The following SLC36A1 variants were observed in gnomAD, a reference collection of about 807,000 sequenced individuals.
SLC36A1 encodes the protein solute carrier family 36 member 1, also known as proton-coupled amino acid transporter 1.
In SLC36A1, 30 loss-of-function variants were observed where a neutral mutation model predicts 47.5. That is an observed-to-expected ratio of 0.63 (90% CI 0.47 to 0.86). SLC36A1 has a LOEUF of 0.86. Among genes scored for constraint, SLC36A1 ranks in the 40% least tolerant of loss-of-function variants. The probability of loss-of-function intolerance (pLI) is 0.00; values close to 1 mark genes in which losing one functional copy is unlikely to be tolerated. For synonymous variants in SLC36A1, 255 were observed against 249.7 expected (o/e 1.02, Z -0.20); for missense variants, 517 against 606.0 (o/e 0.85, Z 1.54).
intron 1 of SLC36A1, among the ~76,000 whole-genome samples, chr5:151,458,304 G>GTATATATATATATATATATATA (rs1754919443): frequency 1.3e-5 from 1 of 76,590 alleles, no homozygotes; most frequent in Admixed American, 1.0e-4. Flanking sequence ...ACATACACGT[G>GTATATATATATATATATATATA]TATATACGTA....
the SLC36A1 span, chr5:151,517,497 C>T: frequency 2.5e-6 from 3 of 1,219,242 alleles, no homozygotes; most frequent in African/African-American, 3.0e-5. Context: ...CACCCAGAAT[C>T]CCTGAAAACT....
chr5:151,529,154 A>G, the SLC36A1 span: 2 of 1,609,188 alleles, frequency 1.2e-6, no homozygotes, highest in Non-Finnish European at 1.7e-6. Context: ...TTGTCCCACA[A>G]AGAGCAAGGT....
chr5:151,531,652 TCTG>T, the SLC36A1 span: 2 of 1,613,594 alleles, frequency 1.2e-6, no homozygotes, highest in Admixed American at 3.3e-5. The surrounding 1 kb of genome is among the most constrained non-coding windows in gnomAD (Gnocchi z 5.7). Flanking sequence ...GCCGGTCTTC[TCTG>T]CGCCCGGGCG....
chr5:151,444,842 T>G (rs1752831357), upstream of SLC36A1, among the ~76,000 whole-genome samples: 1 of 152,214 alleles, frequency 6.6e-6, no homozygotes, highest in Non-Finnish European at 1.5e-5. Context: ...ATAACAGTAT[T>G]TTTTTAATCT....
intron 7 of SLC36A1, among the ~76,000 whole-genome samples, chr5:151,468,265 AAATAT>A (rs1756781074): frequency 1.3e-5 from 1 of 79,198 alleles, no homozygotes; most frequent in African/African-American, 8.5e-5. Context: ...AAAAAAAAAA[AAATAT>A]ATATATATAT....
intron 1 of SLC36A1, among the ~76,000 whole-genome samples, chr5:151,453,158 C>A (rs531646494): frequency 6.6e-6 from 1 of 151,984 alleles, no homozygotes; most frequent in Non-Finnish European, 1.5e-5. Flanking sequence ...GAGCCAAGAT[C>A]GCACCACTGC....
chr5:151,511,133 A>G, the SLC36A1 span: 1 of 152,476 alleles, frequency 6.6e-6, no homozygotes, highest in Non-Finnish European at 1.5e-5. Flanking sequence ...GTGAGAGGTG[A>G]TGGGGGCTTG....
At chr5:151,417,114 A>T in the SLC36A1 span, among the ~76,000 whole-genome samples, 1 of 152,224 alleles carries the variant, frequency 6.6e-6, no homozygotes, top group African/African-American at 2.4e-5. Flanking sequence ...GCAGTTCTTC[A>T]TAGCAGTGTG....
At chr5:151,438,411 C>A (rs1759904263) in intron 1 of SLC36A1, among the ~76,000 whole-genome samples, 1 of 150,512 alleles carries the variant, frequency 6.6e-6, no homozygotes, top group African/African-American at 2.5e-5. Flanking sequence ...AAAAAAAAAA[C>A]ACCTCAGGTG....
the SLC36A1 span, among the ~76,000 whole-genome samples, chr5:151,348,413 C>T: frequency 6.6e-6 from 1 of 152,210 alleles, no homozygotes; most frequent in Non-Finnish European, 1.5e-5. Context: ...CTCAAAATTA[C>T]AGCTTTTGAC....
At chr5:151,402,313 T>C in the SLC36A1 span, among the ~76,000 whole-genome samples, 1 of 152,200 alleles carries the variant, frequency 6.6e-6, no homozygotes, top group Non-Finnish European at 1.5e-5. Context: ...TGGTGTGTGC[T>C]GAACCAACCT....
the SLC36A1 span, chr5:151,529,508 T>C: frequency 1.3e-6 from 1 of 765,560 alleles, no homozygotes; most frequent in African/African-American, 1.7e-5. Context: ...GCAAGGTAAG[T>C]GTCCTCTGTC....
At chr5:151,549,841 G>A in the SLC36A1 span, among the ~76,000 whole-genome samples, 1 of 152,132 alleles carries the variant, frequency 6.6e-6, no homozygotes. Flanking sequence ...AAAATTATAT[G>A]GTCACATAAA....
At chr5:151,514,914 C>T in the SLC36A1 span, among the ~76,000 whole-genome samples, 4 of 152,230 alleles carry the variant, frequency 2.6e-5, no homozygotes, top group African/African-American at 2.4e-5. Flanking sequence ...CCACAGCATA[C>T]ACACATGGTG....
At chr5:151,549,476 C>T in the SLC36A1 span, 2 of 1,614,114 alleles carry the variant, frequency 1.2e-6, no homozygotes, top group South Asian at 1.1e-5. Flanking sequence ...ACACGAAGTT[C>T]CTCTTGATAG....
At chr5:151,401,133 A>G in the SLC36A1 span, among the ~76,000 whole-genome samples, 5 of 152,152 alleles carry the variant, frequency 3.3e-5, no homozygotes, top group Admixed American at 2.0e-4. Flanking sequence ...GTTTTCTTCT[A>G]TGATTTTTAT....
intron 1 of SLC36A1, among the ~76,000 whole-genome samples, chr5:151,449,792 G>A (rs1581049423): frequency 1.4e-5 from 2 of 142,100 alleles, no homozygotes; most frequent in South Asian, 4.2e-4. Flanking sequence ...CAATTACTTC[G>A]GGGATGTTGT....
At chr5:151,479,662 A>G in intron 10 of SLC36A1, 173 bp downstream of exon 10, 2 of 633,248 alleles carry the variant, frequency 3.2e-6, no homozygotes, top group Admixed American at 3.0e-5. Flanking sequence ...GGGGAAGTGA[A>G]TTAATTACAT....
In SLC36A1 at chr5:151,467,787, A is replaced by G. The variant is rs1397133329; in HGVS notation, c.585A>G (p.Arg195=). ...TTCTGACGCCTACCATGGACTCGCG[A>G]CTCTACATGCTCTCCTTCCTGCCCT... ...TVILTPTMDS[R]LYMLSFLPFL... Residue 195 remains arginine, a synonymous_variant, in exon 7 of 11, where the codon CGA becomes CGG. Transcript: ENST00000243389. The G allele has an allele frequency of 3.1e-6, 5 of 1,612,568 alleles. No individual in the cohort carries two copies. The African/African-American group carries it at 5.4e-5, about 17-fold the overall frequency.
Sources: gnomAD v4.1 joint callset for allele counts (sites outside exome capture counted in the v4.1 genomes callset) on GRCh38, gnomAD v4.1.1 for gene constraint, Gnocchi (gnomAD v3.1) non-coding constraint, MANE v1.5 for transcripts, NCBI Gene and HGNC (gene_info 2026-07-23, HGNC 2026-07-21) for gene names.